CABCOCO1: variants seen among roughly 807,000 people sequenced by gnomAD.
The protein encoded by CABCOCO1 is ciliary-associated calcium-binding coiled-coil protein 1.
In CABCOCO1, 28 loss-of-function variants were observed where a neutral mutation model predicts 35.7. The ratio of observed to expected loss-of-function variants is 0.78; its 90% CI spans 0.58 to 1.07. The LOEUF (loss-of-function observed/expected upper bound fraction) is 1.07. Ranked by LOEUF, CABCOCO1 falls within the 50% of genes least tolerant of loss-of-function variation. The pLI is 0.00. For synonymous variants in CABCOCO1, 95 were observed against 100.1 expected (o/e 0.95, Z 0.30); for missense variants, 326 against 309.2 (o/e 1.05, Z -0.41).
chr10:61,680,695 TA>T (rs1564532841), intron 2 of CABCOCO1, among the ~76,000 whole-genome samples: 28 of 49,302 alleles, frequency 5.7e-4, no homozygotes, highest in Non-Finnish European at 8.3e-4. Context: ...ATGTATAACA[TA>T]TATATGTTAT....
intron 1 of CABCOCO1, among the ~76,000 whole-genome samples, chr10:61,672,270 G>A (rs747024064): frequency 3.3e-5 from 5 of 152,020 alleles, no homozygotes; most frequent in African/African-American, 4.8e-5. Context: ...CATCAACCTA[G>A]GCTTGCTCCT....
chr10:61,684,288 A>G (rs948490611), intron 3 of CABCOCO1, among the ~76,000 whole-genome samples: 2 of 152,214 alleles, frequency 1.3e-5, no homozygotes, highest in Admixed American at 6.5e-5. Flanking sequence ...ATGTAGTTTT[A>G]TGCTTCTTTC....
At chr10:61,711,646 G>A (rs1840735615) in intron 5 of CABCOCO1, among the ~76,000 whole-genome samples, 1 of 151,784 alleles carries the variant, frequency 6.6e-6, no homozygotes, top group Non-Finnish European at 1.5e-5. Flanking sequence ...ATTTATATAA[G>A]GAGAACAACA....
At chr10:61,671,757 C>T (rs1272805383) in intron 1 of CABCOCO1, among the ~76,000 whole-genome samples, 3 of 152,166 alleles carry the variant, frequency 2.0e-5, no homozygotes, top group South Asian at 2.1e-4. Flanking sequence ...CCTTCACCCT[C>T]CAGTAGATTA....
intron 5 of CABCOCO1, among the ~76,000 whole-genome samples, chr10:61,741,140 A>T (rs927708313): frequency 6.6e-6 from 1 of 152,056 alleles, no homozygotes; most frequent in Admixed American, 6.5e-5. Flanking sequence ...GTGAGACTCT[A>T]TCTCAAAGAA....
intron 5 of CABCOCO1, among the ~76,000 whole-genome samples, chr10:61,707,257 TTGA>T (rs1471730069): frequency 6.6e-6 from 1 of 152,086 alleles, no homozygotes; most frequent in Non-Finnish European, 1.5e-5. Context: ...GGCGAATGTG[TTGA>T]TGTGAGTGCA....
intron 5 of CABCOCO1, among the ~76,000 whole-genome samples, chr10:61,758,811 A>G (rs1440817034): frequency 6.6e-6 from 1 of 152,100 alleles, no homozygotes; most frequent in Non-Finnish European, 1.5e-5. Flanking sequence ...AACTTTGTAT[A>G]AAATCAAGTT....
At chr10:61,731,970 ATCTCATAAT>A (rs1205962857) in intron 5 of CABCOCO1, among the ~76,000 whole-genome samples, 8 of 152,236 alleles carry the variant, frequency 5.3e-5, no homozygotes, top group Admixed American at 1.3e-4. Context: ...ACAATGAAGA[ATCTCATAAT>A]TAAAATGTTC....
chr10:61,748,280 T>C (rs1302347158), intron 5 of CABCOCO1, among the ~76,000 whole-genome samples: 1 of 152,222 alleles, frequency 6.6e-6, no homozygotes, highest in Non-Finnish European at 1.5e-5. Context: ...CATTTAATTC[T>C]TTAGTAAATA....
At position 61,765,941 on chromosome 10, in the gene CABCOCO1, C is replaced by A; in HGVS notation, c.819C>A (p.Thr273=). ...VTDDILIGIQ[T]EINEKLQIQE... is the part of the protein sequence containing the mutation. Reference sequence around the variant, plus strand: ...GTTTTTTATGATTGTCTTCACAGACCGAGATAAACGAAAAACTGCAAATAC... The same window carrying A: ...GTTTTTTATGATTGTCTTCACAGACAGAGATAAACGAAAAACTGCAAATAC... Residue 273 remains threonine (T), a splice_region_variant and synonymous_variant, in exon 8 of 8, where the codon ACC becomes ACA. Coordinates refer to ENST00000648843, the MANE Select transcript of CABCOCO1 (RefSeq NM_001366906.2). 1 of 1,612,072 alleles carries A rather than the reference C, an allele frequency of 6.2e-7. No homozygotes were observed. Among genetic ancestry groups the A allele is most frequent in the Middle Eastern group, 1.7e-4 (1 of 6,052 alleles).
At chr10:61,700,849 T>G (rs1840429863) in intron 5 of CABCOCO1, among the ~76,000 whole-genome samples, 1 of 152,082 alleles carries the variant, frequency 6.6e-6, no homozygotes. Context: ...TCACACTATG[T>G]TAATTATTTG....
chr10:61,720,293 A>AAAAAT (rs1564546774), intron 5 of CABCOCO1, among the ~76,000 whole-genome samples: 1 of 28,966 alleles, frequency 3.5e-5, no homozygotes, highest in Non-Finnish European at 1.7e-4. Flanking sequence ...AAATAAAAAT[A>AAAAAT]AAAAAAAACA....
chr10:61,692,242 C>G (rs1301828423), intron 5 of CABCOCO1, among the ~76,000 whole-genome samples: 1 of 152,064 alleles, frequency 6.6e-6, no homozygotes, highest in Non-Finnish European at 1.5e-5. Context: ...CTCTAATGAC[C>G]AGTGATGATG....
intron 1 of CABCOCO1, 49 bp from the exon 2 acceptor site, chr10:61,672,583 A>G: frequency 2.4e-6 from 1 of 423,556 alleles, no homozygotes; most frequent in Non-Finnish European, 3.2e-6. Flanking sequence ...TGGGTTTAAT[A>G]TATGAAACGT....
At chr10:61,755,434 G>C (rs562116990) in intron 5 of CABCOCO1, among the ~76,000 whole-genome samples, 3 of 152,046 alleles carry the variant, frequency 2.0e-5, no homozygotes, top group Non-Finnish European at 4.4e-5. Flanking sequence ...AGTCAGGAAA[G>C]TTTGCAATCA....
Position 61,672,853 on chromosome 10 carries a change from G to A in CABCOCO1, c.164+118G>A, listed in dbSNP as rs76849393. 856 of 677,594 alleles carry A rather than the reference G, an allele frequency of 1.3e-3. 8 individuals carry two copies. The African/African-American group carries it at 0.016, about 13-fold the overall frequency. The allele number at this position is 677,594 out of a possible 1,614,324, so 42.0% of individuals were successfully genotyped here. On this transcript the variant is annotated intron_variant, in intron 2 of 7. Transcript: ENST00000648843. Reference sequence around the variant, plus strand: ...AATATTTGTTATGATATTATGCACTGAAAAATATCTAGACTTCAAAACACA... The same window carrying A: ...AATATTTGTTATGATATTATGCACTAAAAAATATCTAGACTTCAAAACACA...
At chr10:61,734,944 C>G (rs1235392343) in intron 5 of CABCOCO1, among the ~76,000 whole-genome samples, 2 of 152,068 alleles carry the variant, frequency 1.3e-5, no homozygotes, top group Middle Eastern at 3.2e-3. Context: ...AGAAATTCAA[C>G]CTAACCTAAA....
intron 6 of CABCOCO1, 48 bp from the exon 7 acceptor site, chr10:61,760,815 C>T (rs1353870554): frequency 5.0e-5 from 78 of 1,552,622 alleles, no homozygotes; most frequent in Non-Finnish European, 6.5e-5. Flanking sequence ...TATAAATCAC[C>T]GAATGCTCTA....
intron 5 of CABCOCO1, 73 bp from the exon 6 acceptor site, chr10:61,759,986 A>T (rs1841972682): frequency 1.3e-6 from 2 of 1,560,902 alleles, no homozygotes; most frequent in Admixed American, 1.8e-5. Context: ...TGGTACATAT[A>T]TAACGGAACT....
Sources: gnomAD v4.1 joint callset for allele counts (sites outside exome capture counted in the v4.1 genomes callset) on GRCh38, gnomAD v4.1.1 for gene constraint, MANE v1.5 for transcripts, NCBI Gene and HGNC (gene_info 2026-07-23, HGNC 2026-07-21) for gene names.